PIWIL3: variants seen among roughly 807,000 people sequenced by gnomAD.
PIWIL3 encodes piwi-like protein 3.
In PIWIL3, 101 loss-of-function variants were observed where a neutral mutation model predicts 109.7. That is an observed-to-expected ratio of 0.92 (90% CI 0.78 to 1.09). The LOEUF (loss-of-function observed/expected upper bound fraction) is 1.09. PIWIL3 is among the 50% of genes least tolerant of loss of function. The pLI is 0.00. For missense variants in PIWIL3, 1,031 were observed against 1,072.6 expected, an observed-to-expected ratio of 0.96 and a Z score of 0.54; for synonymous variants, 373 against 376.4, an observed-to-expected ratio of 0.99 and a Z score of 0.10.
intron 1 of PIWIL3, among the ~76,000 whole-genome samples, chr22:24,768,921 T>C (rs5760627): frequency 0.41 from 62,672 of 152,034 alleles, 13,331 homozygotes; most frequent in East Asian, 0.58. Flanking sequence ...CAAGGTTTCC[T>C]CTTCACCATC....
rs1924590032 is a variant in PIWIL3 at position 24,749,716 on chromosome 22, A to C, written c.1193T>G (p.Ile398Ser). The C allele has an allele frequency of 1.2e-6, 2 of 1,614,096 alleles. No homozygotes were observed. Among genetic ancestry groups the C allele is most frequent in the South Asian group, 1.1e-5 (1 of 91,074 alleles). The change falls in exon 10 of 21, where the codon ATT becomes AGT. Residue 398 changes from isoleucine to serine, a missense_variant. Ile to Ser is a moderately radical substitution (Grantham distance 142). Coordinates refer to ENST00000616349, the MANE Select transcript of PIWIL3 (RefSeq NM_001255975.1). ...ACCTGTCATGTGGCACAGCTGAGGAATCAGCAGGATAGGTTCACGTTGTGT... is the reference window on the plus strand; with the variant it reads ...ACCTGTCATGTGGCACAGCTGAGGACTCAGCAGGATAGGTTCACGTTGTGT... ...TGTQREPILL[I>S]PQLCHMTGLT...
intron 16 of PIWIL3, among the ~76,000 whole-genome samples, chr22:24,726,141 G>A (rs998349985): frequency 1.3e-5 from 2 of 152,128 alleles, no homozygotes; most frequent in African/African-American, 4.8e-5. Flanking sequence ...GAACATGGTA[G>A]CCACTCAGAA....
Position 24,755,921 on chromosome 22 carries a change from AAC to A in PIWIL3, c.571-18_571-17del, listed in dbSNP as rs865869586. 3.2e-6 allele frequency: 5 copies of A among 1,583,730 alleles called. No homozygotes were observed. Among genetic ancestry groups the A allele is most frequent in the East Asian group, 2.2e-5 (1 of 44,450 alleles). On this transcript the variant is annotated splice_polypyrimidine_tract_variant and intron_variant, in intron 5 of 20. Coordinates refer to ENST00000616349, the MANE Select transcript of PIWIL3 (RefSeq NM_001255975.1). ...ATTCCACTCTCTGAGATTAAAAAAA[AAC>A]AAAAAAAAAAGTCCAGATATTCTTC...
intron 13 of PIWIL3, among the ~76,000 whole-genome samples, chr22:24,734,852 A>C (rs1923568966): frequency 6.6e-6 from 1 of 151,808 alleles, no homozygotes; most frequent in Non-Finnish European, 1.5e-5. Context: ...AAAAAACCAA[A>C]AAAAACAACG....
At chr22:24,754,485 T>A (rs545080002) in intron 7 of PIWIL3, among the ~76,000 whole-genome samples, 3 of 152,240 alleles carry the variant, frequency 2.0e-5, no homozygotes, top group Non-Finnish European at 4.4e-5. Flanking sequence ...GTGAGTAATA[T>A]ATATAGTTGC....
chr22:24,747,766 G>T (rs1244719020), intron 12 of PIWIL3, among the ~76,000 whole-genome samples: 2 of 152,056 alleles, frequency 1.3e-5, no homozygotes, highest in Admixed American at 1.3e-4. Flanking sequence ...TGGCTTTTAT[G>T]CAAGACAAGC....
At position 24,756,746 on chromosome 22, in the gene PIWIL3, T is replaced by C. The variant is rs747304253; in HGVS notation, c.356-41A>G. The stretch of plus-strand genomic sequence containing the variant: ...ACATGACAATAAAGAAACAGACTGA[T>C]TGGGCCCAAAACAAACAGTTTGGAC... On this transcript the variant is annotated intron_variant, in intron 4 of 20. Coordinates refer to ENST00000616349, the MANE Select transcript of PIWIL3 (RefSeq NM_001255975.1). 18 of 1,531,982 alleles carry C rather than the reference T, an allele frequency of 1.2e-5. No homozygotes were observed. The Middle Eastern group carries it at 6.8e-4, about 58-fold the overall frequency. 94.9% of individuals were successfully genotyped at this position (1,531,982 alleles called of 1,614,324 possible). A position where few individuals can be genotyped will look rare whatever the true frequency, so the allele number is the denominator to read the frequency against.
chr22:24,761,683 C>T (rs988728973), intron 2 of PIWIL3, among the ~76,000 whole-genome samples: 1 of 151,566 alleles, frequency 6.6e-6, no homozygotes, highest in African/African-American at 2.4e-5. Context: ...CAGTGAGGGG[C>T]TGGACTATGG....
At chr22:24,731,543 T>A (rs1923349803) in intron 14 of PIWIL3, among the ~76,000 whole-genome samples, 1 of 151,162 alleles carries the variant, frequency 6.6e-6, no homozygotes, top group South Asian at 2.1e-4. Flanking sequence ...CCCAGCTACT[T>A]GGGAGGCTGA....
chr22:24,756,490 C>T lies in PIWIL3; in HGVS notation c.570+1G>A, dbSNP rs1262697440. 1.9e-6 allele frequency: 3 copies of T among 1,610,992 alleles called. No homozygotes were observed. In the Admixed American group the frequency reaches 5.0e-5, roughly 27 times the overall value. The stretch of plus-strand genomic sequence containing the variant: ...GAAAATGTGAAACAACATTACTTAA[C>T]CCGCTCTTTTAGTGGCCGAGATAAT... On this transcript the variant is annotated splice_donor_variant, in intron 5 of 20. Transcript: ENST00000616349. LOFTEE classifies it high-confidence loss of function.
chr22:24,746,070 AGAG>A (rs1924350412), intron 12 of PIWIL3, among the ~76,000 whole-genome samples: 1 of 152,210 alleles, frequency 6.6e-6, no homozygotes, highest in Non-Finnish European at 1.5e-5. Context: ...TCCGAAAAAT[AGAG>A]GAGGAGGGAA....
chr22:24,725,415 C>T (rs370363070), intron 17 of PIWIL3, 30 bp downstream of exon 17: 48 of 1,609,908 alleles, frequency 3.0e-5, no homozygotes, highest in Non-Finnish European at 3.8e-5. Flanking sequence ...TGTATAGTGT[C>T]GGGTTCCCCG....
chr22:24,773,175 C>G (rs778545482), intron 1 of PIWIL3, among the ~76,000 whole-genome samples: 3 of 152,150 alleles, frequency 2.0e-5, no homozygotes, highest in Non-Finnish European at 4.4e-5. Flanking sequence ...CCTCTGACAC[C>G]GGATCCTAGG....
chr22:24,764,163 G>A (rs1925641141), intron 1 of PIWIL3, among the ~76,000 whole-genome samples: 1 of 152,234 alleles, frequency 6.6e-6, no homozygotes, highest in African/African-American at 2.4e-5. Flanking sequence ...CAACCCTGGG[G>A]TCCCGGCCTC....
intron 1 of PIWIL3, among the ~76,000 whole-genome samples, chr22:24,773,287 C>T (rs2147740036): frequency 6.6e-6 from 1 of 152,324 alleles, no homozygotes; most frequent in South Asian, 2.1e-4. Flanking sequence ...CATACTCCTG[C>T]CTTCCTGCAT....
At position 24,755,915 on chromosome 22, in the gene PIWIL3, A is replaced by G; in HGVS notation, c.571-10T>C. On this transcript the variant is annotated splice_polypyrimidine_tract_variant and intron_variant, in intron 5 of 20. Transcript: ENST00000616349. ...TCAACCATTCCACTCTCTGAGATTA[A>G]AAAAAAACAAAAAAAAAAGTCCAGA... is the stretch of plus-strand genomic sequence containing the variant. 1 of 1,581,868 alleles carries G rather than the reference A, an allele frequency of 6.3e-7. No homozygotes were observed. The highest frequency in any genetic ancestry group is 8.6e-7 in the Non-Finnish European group (1 of 1,169,260).
chr22:24,771,279 G>A (rs1398854961), intron 1 of PIWIL3, among the ~76,000 whole-genome samples: 1 of 151,772 alleles, frequency 6.6e-6, no homozygotes, highest in Non-Finnish European at 1.5e-5. Flanking sequence ...TGGCTACCAC[G>A]ATGAAACCCC....
intron 4 of PIWIL3, among the ~76,000 whole-genome samples, chr22:24,757,400 C>T (rs1192632725): frequency 6.6e-6 from 1 of 152,072 alleles, no homozygotes; most frequent in Non-Finnish European, 1.5e-5. Context: ...TGGTTTGGGC[C>T]AGGAGTTCCA....
At chr22:24,769,481 G>A (rs185808755) in intron 1 of PIWIL3, among the ~76,000 whole-genome samples, 1,785 of 152,170 alleles carry the variant, frequency 0.012, 23 homozygotes, top group African/African-American at 0.04. Context: ...GTGTGGTGGC[G>A]GGCACCTGTA....
Sources: gnomAD v4.1 joint callset for allele counts (sites outside exome capture counted in the v4.1 genomes callset) on GRCh38, gnomAD v4.1.1 for gene constraint, MANE v1.5 for transcripts, NCBI Gene and HGNC (gene_info 2026-07-23, HGNC 2026-07-21) for gene names.